Variants in GPC3 observed in about 807,000 individuals in gnomAD.
The protein encoded by GPC3 is glypican-3.
A neutral mutation model predicts 34.4 loss-of-function variants in GPC3; 3 were observed. The observed-to-expected ratio is 0.09, with a 90% confidence interval of 0.04 to 0.23. The LOEUF is 0.23. GPC3 is among the 10% of genes least tolerant of loss of function. The pLI is 1.00. For synonymous variants in GPC3, 177 were observed against 174.0 expected (o/e 1.02, Z -0.13); for missense variants, 351 against 445.6 (o/e 0.79, Z 1.91).
chrX:133,803,459 C>T (rs969440626), intron 2 of GPC3, among the ~76,000 whole-genome samples: 1 of 111,984 alleles, frequency 8.9e-6, no homozygotes, highest in Non-Finnish European at 1.9e-5. Context: ...AGGATTCGGA[C>T]TCTTTGAGGC....
At position 133,867,666 on chromosome X, in the gene GPC3, C is replaced by T. The variant is rs139894603; in HGVS notation, c.337+85384G>A. Among the ~76,000 whole-genome samples the T allele has an allele frequency of 9.7e-3, 1,057 of 109,270 alleles. 5 individuals are homozygous for T. The highest frequency in any genetic ancestry group is 0.031 in the South Asian group (76 of 2,450). The allele number at this position is 109,270 out of a possible 115,157, so 94.9% of individuals were successfully genotyped here. On this transcript the variant is annotated intron_variant, in intron 2 of 7. Coordinates refer to ENST00000370818, the MANE Select transcript of GPC3 (RefSeq NM_004484.4). ...CATCTTCAAGCCTGAAGACCTGTGG[C>T]CCTGAATGGGGACAGGCATTCCTGT...
chrX:133,903,513 C>T (rs761657465), intron 2 of GPC3, among the ~76,000 whole-genome samples: 12 of 110,567 alleles, frequency 1.1e-4, no homozygotes, highest in African/African-American at 3.6e-4. Flanking sequence ...TGCTTGAACC[C>T]GGGAGGCGGA....
At chrX:133,948,429 T>C (rs1401233178) in intron 2 of GPC3, among the ~76,000 whole-genome samples, 4 of 110,493 alleles carry the variant, frequency 3.6e-5, no homozygotes, top group African/African-American at 1.3e-4. Flanking sequence ...ACAGAAACGC[T>C]GCCCTCCCCC....
At chrX:133,892,704 G>T (rs1051656532) in intron 2 of GPC3, among the ~76,000 whole-genome samples, 26 of 110,357 alleles carry the variant, frequency 2.4e-4, no homozygotes, top group African/African-American at 8.6e-4. Context: ...TGGAAGGGGG[G>T]TAGATATACT....
At chrX:133,604,411 G>C (rs1018255253) in intron 6 of GPC3, among the ~76,000 whole-genome samples, 2 of 111,761 alleles carry the variant, frequency 1.8e-5, no homozygotes, top group African/African-American at 6.5e-5. Context: ...AGGACCAGAA[G>C]GGGGAGATAA....
At chrX:133,563,608 A>G (rs763604148) in intron 7 of GPC3, among the ~76,000 whole-genome samples, 16 of 112,361 alleles carry the variant, frequency 1.4e-4, no homozygotes, top group Non-Finnish European at 2.8e-4. Flanking sequence ...GCCAGATCCT[A>G]GATTTTCAGA....
At chrX:133,746,815 G>C (rs2071617637) in intron 3 of GPC3, among the ~76,000 whole-genome samples, 1 of 111,798 alleles carries the variant, frequency 8.9e-6, no homozygotes, top group Non-Finnish European at 1.9e-5. Flanking sequence ...ATCTCTATCT[G>C]AGACTGAAAA....
chrX:133,793,882 AAAAG>A (rs1380714572), intron 2 of GPC3, among the ~76,000 whole-genome samples: 1 of 111,917 alleles, frequency 8.9e-6, no homozygotes, highest in East Asian at 2.8e-4. Flanking sequence ...TCAGGAGGTG[AAAAG>A]AAAGAGCTGG....
intron 3 of GPC3, among the ~76,000 whole-genome samples, chrX:133,738,512 C>G (rs2124468628): frequency 9.0e-6 from 1 of 111,425 alleles, no homozygotes; most frequent in East Asian, 2.8e-4. Context: ...TTAAATTATC[C>G]CAAAGATTTG....
chrX:133,859,636 G>C (rs966747743), intron 2 of GPC3, among the ~76,000 whole-genome samples: 1 of 111,836 alleles, frequency 8.9e-6, no homozygotes, highest in Middle Eastern at 4.2e-3. Flanking sequence ...AAAATTTTGA[G>C]AGACATTTAC....
At chrX:133,558,295 CT>C (rs11405813) in intron 7 of GPC3, among the ~76,000 whole-genome samples, 1 of 94,681 alleles carries the variant, frequency 1.1e-5, no homozygotes, top group Non-Finnish European at 2.1e-5. Context: ...TCAATTTGGG[CT>C]TTTTTTTTTT....
At chrX:133,781,861 C>A in intron 2 of GPC3, among the ~76,000 whole-genome samples, 1 of 111,966 alleles carries the variant, frequency 8.9e-6, no homozygotes, top group East Asian at 2.8e-4. Flanking sequence ...GGCATGATTC[C>A]TTTCCTGAAG....
intron 2 of GPC3, among the ~76,000 whole-genome samples, chrX:133,887,442 A>T (rs371506607): frequency 1.8e-5 from 2 of 111,948 alleles, no homozygotes; most frequent in East Asian, 2.8e-4. Context: ...CATTTTTTTC[A>T]TATACCTGTT....
intron 4 of GPC3, among the ~76,000 whole-genome samples, chrX:133,692,793 T>C (rs775081406): frequency 8.9e-6 from 1 of 112,352 alleles, no homozygotes; most frequent in Non-Finnish European, 1.9e-5. Context: ...AGAATGCTGT[T>C]ACCTACATTT....
At chrX:133,566,861 A>G (rs1212425146) in intron 7 of GPC3, among the ~76,000 whole-genome samples, 1 of 111,912 alleles carries the variant, frequency 8.9e-6, no homozygotes, top group East Asian at 2.8e-4. Flanking sequence ...AGAGAAAGAG[A>G]TTTGTTCAAA....
chrX:133,719,974 A>G (rs1400647175), intron 3 of GPC3, among the ~76,000 whole-genome samples: 1 of 112,384 alleles, frequency 8.9e-6, no homozygotes, highest in Non-Finnish European at 1.9e-5. Context: ...TCAACATTAT[A>G]TCAGAGAAAT....
chrX:133,891,913 C>T (rs999539321), intron 2 of GPC3, among the ~76,000 whole-genome samples: 1 of 110,487 alleles, frequency 9.1e-6, no homozygotes. Context: ...AAAGATCTTC[C>T]TCTAAGTAGC....
chrX:133,590,892 A>G (rs961271265), intron 7 of GPC3, among the ~76,000 whole-genome samples: 8 of 112,450 alleles, frequency 7.1e-5, no homozygotes, highest in Non-Finnish European at 1.3e-4. Flanking sequence ...AGAAATGAAC[A>G]TAATCACAGA....
intron 6 of GPC3, among the ~76,000 whole-genome samples, chrX:133,631,809 C>A (rs2070369293): frequency 9.1e-6 from 1 of 110,362 alleles, no homozygotes. Flanking sequence ...TTTATAGTAG[C>A]CATTCTAATT....
Sources: allele counts gnomAD v4.1 joint callset (sites outside exome capture counted in the v4.1 genomes callset), GRCh38; gene constraint gnomAD v4.1.1; transcripts MANE v1.5; gene names NCBI Gene and HGNC (gene_info 2026-07-23, HGNC 2026-07-21).